MED12L: variants seen among roughly 807,000 people sequenced by gnomAD.
MED12L encodes mediator of RNA polymerase II transcription subunit 12-like protein.
In MED12L, 60 loss-of-function variants were observed where a neutral mutation model predicts 281.3. The observed-to-expected ratio is 0.21, with a 90% CI of 0.17 to 0.26. The LOEUF (loss-of-function observed/expected upper bound fraction) is 0.26. Ranked by LOEUF, MED12L falls within the 10% of genes least tolerant of loss-of-function variation. The pLI is 1.00. For synonymous variants in MED12L, 974 were observed against 987.2 expected (o/e 0.99, Z 0.25); for missense variants, 2,146 against 2,680.9 (o/e 0.80, Z 4.41).
At chr3:151,430,536 C>T (rs1048390468) in intron 44 of MED12L, among the ~76,000 whole-genome samples, 156 bp downstream of exon 44, 8 of 151,896 alleles carry the variant, frequency 5.3e-5, no homozygotes, top group Middle Eastern at 3.4e-3. Flanking sequence ...ATTCTGTCTT[C>T]GTTTGGTTTT....
At chr3:151,186,039 T>C (rs1723218904) in intron 12 of MED12L, among the ~76,000 whole-genome samples, 1 of 152,182 alleles carries the variant, frequency 6.6e-6, no homozygotes, top group Non-Finnish European at 1.5e-5. Context: ...TGGATATACT[T>C]TCTTGAGGCA....
intron 16 of MED12L, among the ~76,000 whole-genome samples, chr3:151,296,732 G>A (rs1577261324): frequency 1.3e-5 from 2 of 151,822 alleles, no homozygotes; most frequent in South Asian, 4.2e-4. Flanking sequence ...CTGAACTAAT[G>A]GAATTAATTT....
intron 11 of MED12L, among the ~76,000 whole-genome samples, chr3:151,178,404 C>A (rs1419675890): frequency 8.1e-6 from 1 of 123,442 alleles, no homozygotes; most frequent in East Asian, 2.6e-4. Context: ...AGTAAATATT[C>A]CAGCTCAAAA....
At chr3:151,246,285 G>A (rs1175813301) in intron 16 of MED12L, among the ~76,000 whole-genome samples, 1 of 152,006 alleles carries the variant, frequency 6.6e-6, no homozygotes, top group African/African-American at 2.4e-5. Flanking sequence ...AAGTTCATAT[G>A]GAACCAAAAA....
chr3:151,390,129 A>C lies in MED12L; in HGVS notation c.5602A>C (p.Thr1868Pro). 6.2e-7 allele frequency: 1 copy of C among 1,613,848 alleles called. No individual in the cohort carries two copies. The highest frequency in any genetic ancestry group is 8.5e-7 in the Non-Finnish European group (1 of 1,179,898). The change falls in exon 38 of 45, where the codon ACT (threonine) becomes CCT (proline). Residue 1868 changes from threonine (T) to proline (P), a missense_variant. Around this residue, in one of 9 missense-constraint regions of MED12L, gnomAD observed 496 missense variants for 512.0 expected, o/e 0.97. Transcript: ENST00000687756. ...PGFFLQNQSLTPGGSRLDPAG... is the reference protein window; with the variant it reads ...PGFFLQNQSLPPGGSRLDPAG... ...CTTTTTCCTTCAGAACCAATCTCTT[A>C]CTCCAGGTATGTGATGAGAAAGCAC...
intron 16 of MED12L, among the ~76,000 whole-genome samples, chr3:151,335,408 G>A (rs1347983554): frequency 6.6e-6 from 1 of 152,162 alleles, no homozygotes; most frequent in Non-Finnish European, 1.5e-5. Context: ...AAAATAGGCA[G>A]TGGGCTGCGA....
rs199844333 is a variant in MED12L at position 151,315,865 on chromosome 3, TAAAA to T, written c.2251-34193_2251-34190del. Among the ~76,000 whole-genome samples the T allele has an allele frequency of 9.9e-3, 1,510 of 152,300 alleles. 14 individuals carry two copies. Among genetic ancestry groups the T allele is most frequent in the Admixed American group, 0.03 (453 of 15,296 alleles). On this transcript the variant is annotated intron_variant, in intron 16 of 44. Coordinates refer to ENST00000687756, the MANE Select transcript of MED12L (RefSeq NM_001393769.1). Reference sequence around the variant, plus strand: ...GTAAAATTCCATAGCAGATAAATCTTAAAATAAGAAATCAAAAAGTCACTCTACT... The same window carrying T: ...GTAAAATTCCATAGCAGATAAATCTTTAAGAAATCAAAAAGTCACTCTACT...
intron 16 of MED12L, chr3:151,326,351 A>G (rs983738747): frequency 1.0e-4 from 16 of 152,636 alleles, no homozygotes; most frequent in African/African-American, 3.1e-4. Context: ...CAATGAAACA[A>G]TCTCTCCTTT....
chr3:151,247,047 C>G (rs145184969), intron 16 of MED12L, among the ~76,000 whole-genome samples: 1 of 152,076 alleles, frequency 6.6e-6, no homozygotes, highest in South Asian at 2.1e-4. Context: ...GAAATGCAAA[C>G]CAAAACCACA....
intron 16 of MED12L, among the ~76,000 whole-genome samples, chr3:151,256,252 T>G (rs1737794465): frequency 6.6e-6 from 1 of 152,160 alleles, no homozygotes; most frequent in African/African-American, 2.4e-5. Context: ...GGAAATAAGA[T>G]CTCATATGCA....
rs556911519 is a variant in MED12L, at chr3:151,298,086, G to A, written c.2251-51973G>A. On this transcript the variant is annotated intron_variant, in intron 16 of 44. Coordinates refer to ENST00000687756, the MANE Select transcript of MED12L (RefSeq NM_001393769.1). ...CTCAAAACTTAACTTTGAGAGTTTC[G>A]TGTGATTAATTTGTTTTTTAGAATT... is the stretch of plus-strand genomic sequence containing the variant. Among the ~76,000 whole-genome samples, 8 of 152,244 alleles carry A rather than the reference G, an allele frequency of 5.3e-5. No individual in the cohort carries two copies. In the East Asian group the frequency reaches 5.8e-4, roughly 11 times the overall value.
chr3:151,360,700 T>C, intron 21 of MED12L, 95 bp downstream of exon 21: 1 of 1,172,140 alleles, frequency 8.5e-7, no homozygotes, highest in Non-Finnish European at 1.2e-6. Context: ...TAATGAAAGC[T>C]AATTGCAATT....
intron 42 of MED12L, among the ~76,000 whole-genome samples, chr3:151,414,487 A>C (rs578063049): frequency 1.1e-4 from 16 of 152,334 alleles, no homozygotes; most frequent in African/African-American, 3.6e-4. Flanking sequence ...TATCCTTGAC[A>C]CTGGATAGAG....
At chr3:151,416,182 T>C in intron 42 of MED12L, 130 bp from the exon 43 acceptor site, 1 of 1,515,992 alleles carries the variant, frequency 6.6e-7, no homozygotes, top group South Asian at 1.2e-5. Context: ...AAGGTAGAGA[T>C]GCAGCAGGCA....
At position 151,414,668 on chromosome 3, in the gene MED12L, A is replaced by T. The variant is rs183718537; in HGVS notation, c.6297+1373A>T. 4.3e-4 allele frequency among the ~76,000 whole-genome samples: 66 copies of T among 151,780 alleles called. No individual in the cohort carries two copies. In the East Asian group the frequency reaches 0.012, roughly 28 times the overall value. On this transcript the variant is annotated intron_variant, in intron 42 of 44. Coordinates refer to ENST00000687756, the MANE Select transcript of MED12L (RefSeq NM_001393769.1). Reference sequence around the variant, plus strand: ...ATTATAAGATGCCATTAGTAGTAAGATGTCATTAGTTCCATCCCAATTTGT... The same window carrying T: ...ATTATAAGATGCCATTAGTAGTAAGTTGTCATTAGTTCCATCCCAATTTGT...
chr3:151,244,135 C>CA (rs970189612), intron 16 of MED12L, among the ~76,000 whole-genome samples: 4 of 126,362 alleles, frequency 3.2e-5, no homozygotes, highest in South Asian at 5.8e-4. Context: ...GAGTGACCTA[C>CA]AAAGAGACTT....
intron 5 of MED12L, among the ~76,000 whole-genome samples, chr3:151,148,114 T>A (rs1490622413): frequency 2.0e-5 from 3 of 152,226 alleles, no homozygotes; most frequent in Non-Finnish European, 4.4e-5. Flanking sequence ...CGGCTAATGG[T>A]GTTGACCATC....
At chr3:151,117,822 G>A (rs534201303) in intron 3 of MED12L, among the ~76,000 whole-genome samples, 2 of 152,184 alleles carry the variant, frequency 1.3e-5, no homozygotes, top group Non-Finnish European at 1.5e-5. Context: ...CTGGCGTGGT[G>A]GCTCACACTT....
At chr3:151,275,567 TTGAG>T (rs1741712130) in intron 16 of MED12L, among the ~76,000 whole-genome samples, 1 of 152,168 alleles carries the variant, frequency 6.6e-6, no homozygotes, top group African/African-American at 2.4e-5. Flanking sequence ...AACAGGTGGA[TTGAG>T]AAGCTTTGCT....
Sources: allele counts gnomAD v4.1 joint callset (sites outside exome capture counted in the v4.1 genomes callset), GRCh38; gene constraint gnomAD v4.1.1; regional missense constraint gnomAD v4.1.1; transcripts MANE v1.5; gene names NCBI Gene and HGNC (gene_info 2026-07-23, HGNC 2026-07-21).